The following GRM7 variants were observed in gnomAD, a reference collection of about 807,000 sequenced individuals.
GRM7 encodes the protein glutamate metabotropic receptor 7.
GRM7 carries 35 observed loss-of-function variants against 84.5 expected under a neutral mutation model. The ratio of observed to expected loss-of-function variants is 0.41; its 90% CI spans 0.32 to 0.55. GRM7 has a LOEUF of 0.55. Among genes scored for constraint, GRM7 ranks in the 20% least tolerant of loss-of-function variants. The probability of loss-of-function intolerance (pLI) is 0.19; values close to 1 mark genes in which losing one functional copy is unlikely to be tolerated. For missense variants in GRM7, 1,003 were observed against 1,194.6 expected (o/e 0.84, Z 2.36); for synonymous variants, 487 against 455.1 (o/e 1.07, Z -0.89).
intron 2 of GRM7, among the ~76,000 whole-genome samples, chr3:7,237,742 G>T (rs1697398330): frequency 6.6e-6 from 1 of 152,186 alleles, no homozygotes; most frequent in East Asian, 1.9e-4. Flanking sequence ...GTGGACCCGA[G>T]TGGGTTGCCA....
chr3:7,001,257 G>A (rs1695004956), intron 1 of GRM7, among the ~76,000 whole-genome samples: 1 of 152,142 alleles, frequency 6.6e-6, no homozygotes, highest in African/African-American at 2.4e-5. Context: ...GGCTGAGGCA[G>A]GAGGACCACT....
At chr3:7,721,643 A>G in intron 9 of GRM7, among the ~76,000 whole-genome samples, 1 of 152,348 alleles carries the variant, frequency 6.6e-6, no homozygotes. Flanking sequence ...AAATGAATAA[A>G]ATATATAAAT....
intron 4 of GRM7, among the ~76,000 whole-genome samples, chr3:7,360,247 G>T (rs1231848618): frequency 6.8e-6 from 1 of 146,464 alleles, no homozygotes; most frequent in Non-Finnish European, 1.5e-5. Flanking sequence ...TTATTCGCAA[G>T]CCATTTTTAT....
rs528130209 is a variant in GRM7, at chr3:7,031,517, T to C, written c.520-114935T>C. Among the ~76,000 whole-genome samples, 1,239 of 151,970 alleles carry C rather than the reference T, an allele frequency of 8.2e-3. 17 individuals are homozygous for C. The highest frequency in any genetic ancestry group is 0.029 in the African/African-American group (1,188 of 41,436). On this transcript the variant is annotated intron_variant, in intron 1 of 9. Coordinates refer to ENST00000357716, the MANE Select transcript of GRM7 (RefSeq NM_000844.4). Reference sequence around the variant, plus strand: ...CTGCAAGCTCCGCCTCCCGGGTTCATGCCATTCTCCTGCCCCAGCCTCCCG... The same window carrying C: ...CTGCAAGCTCCGCCTCCCGGGTTCACGCCATTCTCCTGCCCCAGCCTCCCG...
chr3:6,986,147 T>A (rs1287340214), intron 1 of GRM7, among the ~76,000 whole-genome samples: 3 of 152,172 alleles, frequency 2.0e-5, no homozygotes, highest in African/African-American at 7.2e-5. Flanking sequence ...AACACGGTAT[T>A]ATGCACTTAC....
In GRM7 at chr3:7,232,791, C is replaced by G. The variant is rs372411640; in HGVS notation, c.737-65893C>G. The stretch of plus-strand genomic sequence containing the variant: ...TTTACACAGCTAGTAAGTAGCAGAG[C>G]TAAGATTCTAACTCAGATCTGATGC... On this transcript the variant is annotated intron_variant, in intron 2 of 9. Coordinates refer to ENST00000357716, the MANE Select transcript of GRM7 (RefSeq NM_000844.4). Among the ~76,000 whole-genome samples, 130 of 152,234 alleles carry G rather than the reference C, an allele frequency of 8.5e-4. 1 individual carries two copies. Among genetic ancestry groups the G allele is most frequent in the African/African-American group, 2.9e-3 (121 of 41,552 alleles).
At chr3:7,442,000 T>G (rs1697308348) in intron 5 of GRM7, among the ~76,000 whole-genome samples, 1 of 152,148 alleles carries the variant, frequency 6.6e-6, no homozygotes, top group African/African-American at 2.4e-5. Context: ...ATAGCTTTTT[T>G]TTTTCTAATT....
At chr3:7,375,812 A>ATGAC (rs1315935517) in intron 4 of GRM7, among the ~76,000 whole-genome samples, 1 of 152,124 alleles carries the variant, frequency 6.6e-6, no homozygotes, top group African/African-American at 2.4e-5. Flanking sequence ...GTCCTTGCCT[A>ATGAC]TGACTTCCTT....
chr3:7,452,244 G>A lies in GRM7; in HGVS notation c.1175-363G>A, dbSNP rs145578661. Among the ~76,000 whole-genome samples the A allele has an allele frequency of 3.5e-5, 5 of 144,530 alleles. No homozygotes were observed. In the East Asian group the frequency reaches 1.3e-3, roughly 38 times the overall value. The allele number at this position is 144,530 out of a possible 152,430, so 94.8% of individuals were successfully genotyped here. On this transcript the variant is annotated intron_variant, in intron 5 of 9. Transcript: ENST00000357716. ...TGAATTCAGGTGTGGAATTTAGTTT[G>A]TTTTCTGTCATTATCCATTTGACCT...
intron 8 of GRM7, among the ~76,000 whole-genome samples, chr3:7,604,800 G>T (rs1418675660): frequency 6.6e-5 from 10 of 152,150 alleles, no homozygotes; most frequent in Non-Finnish European, 4.4e-5. Flanking sequence ...AAGAGTTTCT[G>T]AATTGAAGGT....
intron 1 of GRM7, among the ~76,000 whole-genome samples, chr3:7,065,642 C>G (rs947864320): frequency 7.9e-5 from 12 of 151,812 alleles, no homozygotes; most frequent in African/African-American, 2.9e-4. Context: ...CAGATTTGTT[C>G]TTTTTGCTTA....
intron 8 of GRM7, among the ~76,000 whole-genome samples, chr3:7,580,937 A>G (rs914304286): frequency 3.9e-5 from 6 of 152,138 alleles, no homozygotes; most frequent in African/African-American, 1.2e-4. Context: ...TAACTATTGA[A>G]CTTTTTATAG....
intron 1 of GRM7, among the ~76,000 whole-genome samples, chr3:7,046,528 G>C (rs370829356): frequency 6.6e-6 from 1 of 152,078 alleles, no homozygotes; most frequent in Non-Finnish European, 1.5e-5. Flanking sequence ...ATCTTTTTGA[G>C]AATTTGGCAA....
chr3:7,720,465 A>G (rs1257671164), intron 9 of GRM7, among the ~76,000 whole-genome samples: 4 of 152,196 alleles, frequency 2.6e-5, no homozygotes, highest in African/African-American at 7.2e-5. Flanking sequence ...CCCCTCAGGA[A>G]GAAGGAAGGT....
At chr3:7,288,219 A>G (rs984591948) in intron 2 of GRM7, among the ~76,000 whole-genome samples, 2 of 152,146 alleles carry the variant, frequency 1.3e-5, no homozygotes, top group African/African-American at 4.8e-5. Context: ...GAGTTGGGGT[A>G]AAATATCTGG....
At chr3:7,190,103 C>G (rs1255541640) in intron 2 of GRM7, among the ~76,000 whole-genome samples, 1 of 152,098 alleles carries the variant, frequency 6.6e-6, no homozygotes, top group Non-Finnish European at 1.5e-5. Flanking sequence ...TTGATTCTGT[C>G]TTGTGTCCTA....
chr3:6,932,129 G>C (rs539208194), intron 1 of GRM7, among the ~76,000 whole-genome samples: 2 of 152,252 alleles, frequency 1.3e-5, no homozygotes, highest in South Asian at 4.1e-4. Flanking sequence ...CTCTCTATTT[G>C]AATGTTATGT....
chr3:7,425,884 T>A (rs757792965), intron 5 of GRM7, among the ~76,000 whole-genome samples: 1 of 152,194 alleles, frequency 6.6e-6, no homozygotes, highest in Non-Finnish European at 1.5e-5. Flanking sequence ...GGACTTCTAA[T>A]GTCTGCCTGT....
intron 9 of GRM7, among the ~76,000 whole-genome samples, chr3:7,704,028 A>C (rs150332094): frequency 2.8e-4 from 43 of 152,328 alleles, no homozygotes; most frequent in African/African-American, 1.0e-3. Context: ...AAATAGACTT[A>C]ATAGATTGTC....
Sources: allele counts gnomAD v4.1 joint callset (sites outside exome capture counted in the v4.1 genomes callset), GRCh38; gene constraint gnomAD v4.1.1; transcripts MANE v1.5; gene names NCBI Gene and HGNC (gene_info 2026-07-23, HGNC 2026-07-21).